Variants in SH3KBP1 observed in about 807,000 individuals in gnomAD.
SH3KBP1 encodes the protein SH3 domain containing kinase binding protein 1.
Under a neutral mutation model 50.1 loss-of-function variants are expected in SH3KBP1, and 8 were observed. The observed-to-expected ratio is 0.16, with a 90% CI of 0.09 to 0.29. The LOEUF (loss-of-function observed/expected upper bound fraction) is 0.29, where lower values mean the gene tolerates loss of function less well. Ranked by LOEUF, SH3KBP1 falls within the 10% of genes least tolerant of loss-of-function variation. The probability of loss-of-function intolerance (pLI) is 1.00; values close to 1 mark genes in which losing one functional copy is unlikely to be tolerated. For synonymous variants in SH3KBP1, 227 were observed against 218.6 expected (o/e 1.04, Z -0.34); for missense variants, 377 against 535.2 (o/e 0.70, Z 2.92).
rs184342125 is a variant in SH3KBP1 at position 19,785,475 on chromosome X, C to T, written c.163-39034G>A. ...CCAGAGAGGCGGAGATTGCAGTGAG[C>T]CAAGATTGCGCCACTGCACTCCAAC... On this transcript the variant is annotated intron_variant, in intron 2 of 17. Coordinates refer to ENST00000397821, the MANE Select transcript of SH3KBP1 (RefSeq NM_031892.3). Among the ~76,000 whole-genome samples the T allele has an allele frequency of 2.9e-3, 318 of 110,935 alleles. 2 individuals are homozygous for T. The highest frequency in any genetic ancestry group is 9.5e-3 in the African/African-American group (291 of 30,507).
At chrX:19,541,176 C>T (rs1237978294) in intron 16 of SH3KBP1, among the ~76,000 whole-genome samples, 1 of 112,267 alleles carries the variant, frequency 8.9e-6, no homozygotes, top group Non-Finnish European at 1.9e-5. Flanking sequence ...CTTGGCCTCC[C>T]AAAGTGCTGA....
At chrX:19,773,905 A>G (rs1603229640) in intron 2 of SH3KBP1, among the ~76,000 whole-genome samples, 1 of 96,388 alleles carries the variant, frequency 1.0e-5, no homozygotes, top group East Asian at 3.3e-4. Flanking sequence ...ATTTTTCTGG[A>G]CTGGTGTCTC....
intron 2 of SH3KBP1, among the ~76,000 whole-genome samples, chrX:19,780,194 A>G (rs1375519622): frequency 9.2e-5 from 10 of 108,886 alleles, no homozygotes; most frequent in East Asian, 8.7e-4. Flanking sequence ...GATGGCCAGT[A>G]ATGATGAGCA....
intron 6 of SH3KBP1, among the ~76,000 whole-genome samples, chrX:19,680,396 A>C (rs936939889): frequency 1.7e-4 from 19 of 109,044 alleles, no homozygotes; most frequent in Non-Finnish European, 3.2e-4. Flanking sequence ...AAAAAAAAAA[A>C]AAAAAACTTC....
intron 7 of SH3KBP1, among the ~76,000 whole-genome samples, chrX:19,639,370 C>G (rs1264808636): frequency 1.8e-5 from 2 of 111,239 alleles, no homozygotes; most frequent in African/African-American, 6.5e-5. Flanking sequence ...GAAAATCTGA[C>G]AAGCAAAGCC....
intron 2 of SH3KBP1, among the ~76,000 whole-genome samples, chrX:19,789,429 G>A (rs1331383324): frequency 1.8e-5 from 2 of 111,006 alleles, no homozygotes; most frequent in Non-Finnish European, 3.8e-5. Context: ...GACTAGGGGG[G>A]CTTAAATAAT....
At chrX:19,839,951 T>A (rs1173594956) in intron 1 of SH3KBP1, among the ~76,000 whole-genome samples, 1 of 112,631 alleles carries the variant, frequency 8.9e-6, no homozygotes, top group African/African-American at 3.2e-5. Flanking sequence ...GCTACTAAAA[T>A]GTCAAGTGTC....
At chrX:19,599,434 C>A (rs2067009902) in intron 9 of SH3KBP1, among the ~76,000 whole-genome samples, 1 of 112,157 alleles carries the variant, frequency 8.9e-6, no homozygotes, top group African/African-American at 3.2e-5. Context: ...GTGGTCACAG[C>A]AAGCATGTGT....
intron 3 of SH3KBP1, among the ~76,000 whole-genome samples, chrX:19,744,421 G>A (rs930498239): frequency 8.9e-6 from 1 of 111,905 alleles, no homozygotes; most frequent in Non-Finnish European, 1.9e-5. Flanking sequence ...CTTGACTGGT[G>A]GGGGAGGGCC....
At chrX:19,776,497 T>A (rs886128171) in intron 2 of SH3KBP1, among the ~76,000 whole-genome samples, 7 of 103,665 alleles carry the variant, frequency 6.8e-5, no homozygotes, top group South Asian at 4.1e-4. Context: ...GAATTTTTTT[T>A]AAAAAAAGAA....
At chrX:19,645,663 A>T (rs980022122) in intron 6 of SH3KBP1, among the ~76,000 whole-genome samples, 188 bp from the exon 7 acceptor site, 3 of 112,221 alleles carry the variant, frequency 2.7e-5, no homozygotes, top group Non-Finnish European at 5.6e-5. Context: ...CAAACAAGGG[A>T]GAAAAATAGG....
chrX:19,807,773 T>A (rs1296276226), intron 2 of SH3KBP1, among the ~76,000 whole-genome samples: 1 of 112,324 alleles, frequency 8.9e-6, no homozygotes, highest in Non-Finnish European at 1.9e-5. Flanking sequence ...CATGTGTGTT[T>A]TGATCGTTGC....
intron 3 of SH3KBP1, among the ~76,000 whole-genome samples, chrX:19,713,819 A>T (rs1243373897): frequency 9.0e-6 from 1 of 111,585 alleles, no homozygotes; most frequent in Admixed American, 9.5e-5. Flanking sequence ...TTTCAATCTA[A>T]CTGTATGTTT....
chrX:19,717,631 T>C (rs980889713), intron 3 of SH3KBP1, among the ~76,000 whole-genome samples: 1 of 111,735 alleles, frequency 8.9e-6, no homozygotes, highest in Non-Finnish European at 1.9e-5. Context: ...GTTGATGCTA[T>C]AGGGATGGAA....
intron 10 of SH3KBP1, among the ~76,000 whole-genome samples, chrX:19,592,864 C>T (rs1179434070): frequency 8.9e-6 from 1 of 112,311 alleles, no homozygotes; most frequent in East Asian, 2.8e-4. Context: ...GGGAGCCAGA[C>T]ACGTGAGGGA....
chrX:19,873,282 A>ATATACG (rs1179033668), intron 1 of SH3KBP1, among the ~76,000 whole-genome samples: 11 of 87,574 alleles, frequency 1.3e-4, no homozygotes, highest in Admixed American at 5.9e-4. Flanking sequence ...ACATATATAT[A>ATATACG]TATATATGTA....
At chrX:19,783,239 AC>A (rs1569470339) in intron 2 of SH3KBP1, among the ~76,000 whole-genome samples, 3 of 112,154 alleles carry the variant, frequency 2.7e-5, no homozygotes, top group Non-Finnish European at 3.8e-5. Context: ...ATTTAGTAAG[AC>A]TTTAGAATAG....
At chrX:19,602,809 G>C (rs1026322875) in intron 9 of SH3KBP1, among the ~76,000 whole-genome samples, 1 of 111,923 alleles carries the variant, frequency 8.9e-6, no homozygotes, top group African/African-American at 3.2e-5. Flanking sequence ...CAGATTTTAC[G>C]GACTGAGTTG....
chrX:19,639,560 A>T (rs1485377447), intron 7 of SH3KBP1, among the ~76,000 whole-genome samples: 1 of 111,385 alleles, frequency 9.0e-6, no homozygotes, highest in Non-Finnish European at 1.9e-5. Flanking sequence ...GCAGATCTTA[A>T]GCCACACGGG....
Sources: gnomAD v4.1 joint callset for allele counts (sites outside exome capture counted in the v4.1 genomes callset) on GRCh38, gnomAD v4.1.1 for gene constraint, MANE v1.5 for transcripts, NCBI Gene and HGNC (gene_info 2026-07-23, HGNC 2026-07-21) for gene names.